PPAT: variants seen among roughly 807,000 people sequenced by gnomAD.
PPAT encodes the protein amidophosphoribosyltransferase.
In PPAT, 20 loss-of-function variants were observed where a neutral mutation model predicts 60.2. The observed-to-expected ratio is 0.33, with a 90% CI of 0.23 to 0.48. PPAT has a LOEUF of 0.48. Among genes scored for constraint, PPAT ranks in the 20% least tolerant of loss-of-function variants. The pLI is 0.99. For synonymous variants in PPAT, 194 were observed against 215.1 expected (o/e 0.90, Z 0.86); for missense variants, 349 against 629.6 (o/e 0.55, Z 4.77).
At chr4:56,412,370 G>A (rs1023218955) in intron 1 of PPAT, among the ~76,000 whole-genome samples, 2 of 150,472 alleles carry the variant, frequency 1.3e-5, no homozygotes, top group African/African-American at 2.5e-5. Flanking sequence ...GTGCAGTGGT[G>A]TGATCTTGGC....
chr4:56,416,412 T>A, intron 1 of PPAT: 2 of 877,604 alleles, frequency 2.3e-6, no homozygotes, highest in Non-Finnish European at 2.7e-6. Context: ...TTACTTCTGG[T>A]TTCTCATGTC....
At chr4:56,425,442 A>G in intron 1 of PPAT, 1 of 923,644 alleles carries the variant, frequency 1.1e-6, no homozygotes, top group Non-Finnish European at 1.3e-6. Context: ...GTGAAAAAAG[A>G]AAGCTCAGAC....
At chr4:56,432,573 C>T (rs1717648162) in intron 1 of PPAT, among the ~76,000 whole-genome samples, 1 of 148,338 alleles carries the variant, frequency 6.7e-6, no homozygotes, top group Admixed American at 6.7e-5. Context: ...ATCACGAGGT[C>T]AGGAGATCGA....
chr4:56,407,323 CTTT>C (rs796876979), intron 2 of PPAT, among the ~76,000 whole-genome samples: 1 of 144,798 alleles, frequency 6.9e-6, no homozygotes, highest in Admixed American at 6.9e-5. Flanking sequence ...TTTTTTCTTT[CTTT>C]TTTTTTTTTG....
intron 1 of PPAT, among the ~76,000 whole-genome samples, chr4:56,427,303 C>T (rs568460309): frequency 1.3e-5 from 2 of 152,236 alleles, no homozygotes; most frequent in South Asian, 4.1e-4. Flanking sequence ...ACCTGCAGTA[C>T]TGTTTTTCCA....
chr4:56,406,786 CA>C, intron 2 of PPAT, 85 bp from the exon 3 acceptor site: 1 of 911,700 alleles, frequency 1.1e-6, no homozygotes, highest in Non-Finnish European at 1.7e-6. Context: ...CCAGCCAATC[CA>C]AATAAGACAA....
chr4:56,394,973 C>T lies in PPAT; in HGVS notation c.*379G>A, dbSNP rs1445231446. The T allele has an allele frequency of 1.6e-5, 3 of 183,238 alleles. No homozygotes were observed. Among genetic ancestry groups the T allele is most frequent in the African/African-American group, 7.2e-5 (3 of 41,536 alleles). 11.4% of individuals were successfully genotyped at this position (183,238 alleles called of 1,614,324 possible). On this transcript the variant is annotated 3_prime_UTR_variant, in exon 11 of 11. Coordinates refer to ENST00000264220, the MANE Select transcript of PPAT (RefSeq NM_002703.5). ...TGAGGTATAATGTATTCTATTCAAA[C>T]TTTGTGTGAAATGGTATATTTAACT...
intron 1 of PPAT, chr4:56,425,438 A>C: frequency 2.1e-6 from 2 of 930,408 alleles, no homozygotes; most frequent in Non-Finnish European, 2.6e-6. Flanking sequence ...AAATGTGAAA[A>C]AAGAAAGCTC....
At chr4:56,428,650 T>C (rs1717420722) in intron 1 of PPAT, among the ~76,000 whole-genome samples, 1 of 152,140 alleles carries the variant, frequency 6.6e-6, no homozygotes. Context: ...ATTCTAGACA[T>C]TCCTCTTTGC....
chr4:56,420,169 A>T, intron 1 of PPAT: 1 of 202,460 alleles, frequency 4.9e-6, no homozygotes, highest in Non-Finnish European at 8.8e-6. Flanking sequence ...CAGATTTTAG[A>T]GTATTTGCAT....
intron 1 of PPAT, chr4:56,421,025 G>A (rs1717011642): frequency 6.6e-6 from 1 of 152,210 alleles, no homozygotes; most frequent in African/African-American, 2.4e-5. Flanking sequence ...CACAGCAGGA[G>A]GTGAGTGGTG....
At chr4:56,426,141 G>A (rs373256044) in intron 1 of PPAT, among the ~76,000 whole-genome samples, 8 of 152,270 alleles carry the variant, frequency 5.3e-5, no homozygotes, top group Non-Finnish European at 1.2e-4. Context: ...GGTGGCTAAC[G>A]CCTGTAATCC....
At chr4:56,419,218 A>G (rs1206306177) in intron 1 of PPAT, among the ~76,000 whole-genome samples, 1 of 152,236 alleles carries the variant, frequency 6.6e-6, no homozygotes, top group Non-Finnish European at 1.5e-5. Flanking sequence ...TACCTATCCT[A>G]TTTCAAAACA....
chr4:56,400,900 A>G lies in PPAT; in HGVS notation c.898T>C (p.Tyr300His). Reference protein sequence around the residue: ...PDSMFEDQMVYTVRYRCGQQL... With the variant: ...PDSMFEDQMVHTVRYRCGQQL... ...TGGCCACAACGGTATCTTACTGTAT[A>G]AACCATTTGGTCTGGTGTGTTTGGA... Residue 300 changes from tyrosine (Y) to histidine (H), a missense_variant, in exon 8 of 11, where the codon TAT becomes CAT. Around this residue, in one of 5 missense-constraint regions of PPAT, gnomAD observed 167 missense variants for 328.6 expected, o/e 0.51. Transcript: ENST00000264220. 6.2e-7 allele frequency: 1 copy of G among 1,612,048 alleles called. No individual in the cohort carries two copies. The highest frequency in any genetic ancestry group is 8.5e-7 in the Non-Finnish European group (1 of 1,178,138).
intron 5 of PPAT, 99 bp downstream of exon 5, chr4:56,402,941 A>T: frequency 9.2e-7 from 1 of 1,088,594 alleles, no homozygotes; most frequent in East Asian, 2.6e-5. Context: ...GCTCCCTCCC[A>T]CCCATCAACT....
Position 56,395,499 on chromosome 4 carries a change from T to C in PPAT, c.1407A>G (p.Val469=), listed in dbSNP as rs2412738. The part of the protein sequence containing the change: ...YLSVEGLVSS[V]QEGIKFKKQK... ...GTTTTTTAAACTTTATCCCTTCTTGTACAGATGAAACCAGTCCTTCTACTG... is the reference window on the plus strand; with the variant it reads ...GTTTTTTAAACTTTATCCCTTCTTGCACAGATGAAACCAGTCCTTCTACTG... Residue 469 remains valine, a synonymous_variant, in exon 11 of 11, where the codon GTA becomes GTG. Transcript: ENST00000264220. The C allele has an allele frequency of 6.2e-7, 1 of 1,610,164 alleles. No individual in the cohort carries two copies. Among genetic ancestry groups the C allele is most frequent in the Non-Finnish European group, 8.5e-7 (1 of 1,178,414 alleles).
In PPAT at chr4:56,395,510, C is replaced by T; in HGVS notation, c.1396G>A (p.Val466Ile). Residue 466 changes from valine to isoleucine, a missense_variant, in exon 11 of 11, where the codon GTT (valine) becomes ATT (isoleucine). By Grantham distance (29) the Val-to-Ile change is conservative (BLOSUM62 3). Coordinates refer to ENST00000264220, the MANE Select transcript of PPAT (RefSeq NM_002703.5). ...SVVYLSVEGL[V>I]SSVQEGIKFK... ...TTTATCCCTTCTTGTACAGATGAAA[C>T]CAGTCCTTCTACTGACAGATACACA... 1 of 1,603,828 alleles carries T rather than the reference C, an allele frequency of 6.2e-7. No homozygotes were observed. Among genetic ancestry groups the T allele is most frequent in the South Asian group, 1.1e-5 (1 of 89,136 alleles).
intron 8 of PPAT, chr4:56,399,895 C>A (rs1716070585): frequency 6.5e-6 from 1 of 153,144 alleles, no homozygotes; most frequent in Middle Eastern, 3.4e-3. Context: ...CCCAGGATTA[C>A]TACAGTTACA....
At chr4:56,418,105 G>A (rs896453981) in intron 1 of PPAT, among the ~76,000 whole-genome samples, 35 of 151,944 alleles carry the variant, frequency 2.3e-4, no homozygotes, top group Non-Finnish European at 4.3e-4. Context: ...CCAAAGTGCT[G>A]GGATTACAGG....
Sources: allele counts gnomAD v4.1 joint callset (sites outside exome capture counted in the v4.1 genomes callset), GRCh38; gene constraint gnomAD v4.1.1; regional missense constraint gnomAD v4.1.1; transcripts MANE v1.5; gene names NCBI Gene and HGNC (gene_info 2026-07-23, HGNC 2026-07-21).